The following LPP variants were observed in gnomAD, a reference collection of about 807,000 sequenced individuals.
The protein encoded by LPP is LIM domain containing preferred translocation partner in lipoma.
Under a neutral mutation model 60.4 loss-of-function variants are expected in LPP, and 38 were observed. The ratio of observed to expected loss-of-function variants is 0.63; its 90% CI spans 0.49 to 0.83. LPP has a LOEUF of 0.83. Among genes scored for constraint, LPP ranks in the 40% least tolerant of loss-of-function variants. LPP has a pLI of 0.00. For synonymous variants in LPP, 328 were observed against 290.8 expected (o/e 1.13, Z -1.30); for missense variants, 902 against 783.6 (o/e 1.15, Z -1.80).
chr3:188,306,237 T>G (rs1020113355), intron 2 of LPP, among the ~76,000 whole-genome samples: 3 of 148,062 alleles, frequency 2.0e-5, no homozygotes, highest in Non-Finnish European at 3.0e-5. Flanking sequence ...TGCACCACCA[T>G]GTCCAGCTAA....
At chr3:188,728,024 A>T (rs1353021469) in intron 8 of LPP, among the ~76,000 whole-genome samples, 3 of 152,156 alleles carry the variant, frequency 2.0e-5, no homozygotes, top group Non-Finnish European at 4.4e-5. Flanking sequence ...AGGCTGGAGG[A>T]AACCTGAGGA....
intron 1 of LPP, among the ~76,000 whole-genome samples, chr3:188,183,793 A>G (rs1725794928): frequency 6.6e-6 from 1 of 152,106 alleles, no homozygotes. Flanking sequence ...CATAAGTGGC[A>G]AGCTGGGATG....
intron 3 of LPP, among the ~76,000 whole-genome samples, chr3:188,372,305 C>G (rs1773514752): frequency 6.6e-6 from 1 of 151,938 alleles, no homozygotes; most frequent in South Asian, 2.1e-4. Context: ...TTATGGTATT[C>G]CTTACTATAT....
At position 188,195,216 on chromosome 3, in the gene LPP, G is replaced by A. The variant is rs185588866; in HGVS notation, c.-189-30189G>A. On this transcript the variant is annotated intron_variant, in intron 1 of 11. Coordinates refer to ENST00000617246, the MANE Select transcript of LPP (RefSeq NM_001375462.1). ...GGAGGTTGCAATAAGCTGAGATTGC[G>A]CCATTGCACTCCAGCCTGGGCGACA... Among the ~76,000 whole-genome samples the A allele has an allele frequency of 1.6e-4, 25 of 151,690 alleles. No homozygotes were observed. The East Asian group carries it at 2.3e-3, about 14-fold the overall frequency.
chr3:188,753,789 G>T (rs181849733), intron 8 of LPP, among the ~76,000 whole-genome samples: 1 of 152,112 alleles, frequency 6.6e-6, no homozygotes, highest in South Asian at 2.1e-4. Context: ...GTGTGAGTGT[G>T]TATATGTATT....
intron 6 of LPP, among the ~76,000 whole-genome samples, chr3:188,582,019 G>C (rs1217530199): frequency 1.3e-5 from 2 of 151,848 alleles, no homozygotes; most frequent in Non-Finnish European, 2.9e-5. Context: ...AGGCCATCTT[G>C]CCAACTTTTC....
intron 8 of LPP, among the ~76,000 whole-genome samples, chr3:188,728,553 A>G (rs1235687591): frequency 6.6e-6 from 1 of 152,198 alleles, no homozygotes; most frequent in African/African-American, 2.4e-5. Context: ...ATCTATACCT[A>G]TTCACTTCGT....
At chr3:188,528,694 C>T (rs1294804061) in intron 6 of LPP, among the ~76,000 whole-genome samples, 2 of 152,154 alleles carry the variant, frequency 1.3e-5, no homozygotes, top group Non-Finnish European at 2.9e-5. Flanking sequence ...GAAACTAAGA[C>T]TCACCAAGAA....
At chr3:188,469,882 A>G (rs1302631113) in intron 4 of LPP, among the ~76,000 whole-genome samples, 2 of 152,134 alleles carry the variant, frequency 1.3e-5, no homozygotes, top group Non-Finnish European at 2.9e-5. Flanking sequence ...AAAATAACTT[A>G]TATTTATGTA....
chr3:188,293,342 T>G (rs921586411), intron 2 of LPP, among the ~76,000 whole-genome samples: 20 of 152,248 alleles, frequency 1.3e-4, no homozygotes, highest in African/African-American at 4.8e-4. Context: ...GCTCCTAACG[T>G]GGGGAGCCCA....
At chr3:188,723,507 G>A (rs558906304) in intron 8 of LPP, among the ~76,000 whole-genome samples, 9 of 152,204 alleles carry the variant, frequency 5.9e-5, no homozygotes, top group Admixed American at 4.6e-4. Flanking sequence ...TCTATTGAAC[G>A]TCTGGTCCCA....
intron 3 of LPP, among the ~76,000 whole-genome samples, chr3:188,402,665 T>G (rs1486608850): frequency 1.3e-5 from 2 of 152,264 alleles, no homozygotes; most frequent in African/African-American, 4.8e-5. Context: ...GTTCATTCAT[T>G]CTCCCATTTC....
intron 6 of LPP, among the ~76,000 whole-genome samples, chr3:188,528,701 A>G (rs1821340445): frequency 6.6e-6 from 1 of 152,190 alleles, no homozygotes; most frequent in Non-Finnish European, 1.5e-5. Context: ...AGACTCACCA[A>G]GAAGATTAAT....
intron 1 of LPP, among the ~76,000 whole-genome samples, chr3:188,193,281 TGA>T (rs1239205063): frequency 6.6e-6 from 1 of 152,158 alleles, no homozygotes; most frequent in Non-Finnish European, 1.5e-5. Flanking sequence ...CAAAATCCAC[TGA>T]GAGGCAGCAT....
chr3:188,265,241 A>G (rs1007696662), intron 2 of LPP, among the ~76,000 whole-genome samples: 2 of 152,204 alleles, frequency 1.3e-5, no homozygotes, highest in South Asian at 2.1e-4. Flanking sequence ...GTTTATCGCT[A>G]AAGATGCTTT....
chr3:188,404,729 CTT>C (rs1783039226), intron 3 of LPP, among the ~76,000 whole-genome samples: 1 of 152,186 alleles, frequency 6.6e-6, no homozygotes. Context: ...TTCTGATGCT[CTT>C]TGTCTTTACA....
At chr3:188,665,476 T>TTTA (rs1855577782) in intron 7 of LPP, among the ~76,000 whole-genome samples, 1 of 147,638 alleles carries the variant, frequency 6.8e-6, no homozygotes, top group African/African-American at 2.5e-5. Context: ...TTTTTTTTTT[T>TTTA]GAGATGGAGT....
At position 188,669,931 on chromosome 3, in the gene LPP, G is replaced by C. The variant is rs995922014; in HGVS notation, c.1114-38336G>C. On this transcript the variant is annotated intron_variant, in intron 7 of 11. Coordinates refer to ENST00000617246, the MANE Select transcript of LPP (RefSeq NM_001375462.1). ...TGGAATACTAAGCAGCCATAAAAAA[G>C]GATGAGTTCATGTCCTTTGTAGCGA... 4.6e-5 allele frequency among the ~76,000 whole-genome samples: 7 copies of C among 152,276 alleles called. No individual in the cohort carries two copies. The South Asian group carries it at 1.5e-3, about 32-fold the overall frequency.
At chr3:188,717,489 T>A (rs1325933264) in intron 8 of LPP, among the ~76,000 whole-genome samples, 1 of 152,192 alleles carries the variant, frequency 6.6e-6, no homozygotes. Context: ...ATAAATGACC[T>A]AATTAATGAA....
Sources: gnomAD v4.1 joint callset for allele counts (sites outside exome capture counted in the v4.1 genomes callset) on GRCh38, gnomAD v4.1.1 for gene constraint, MANE v1.5 for transcripts, NCBI Gene and HGNC (gene_info 2026-07-23, HGNC 2026-07-21) for gene names.